Variants in SLMAP observed in about 807,000 individuals in gnomAD.
The protein encoded by SLMAP is sarcolemma associated protein.
A neutral mutation model predicts 128.8 loss-of-function variants in SLMAP; 44 were observed. The observed-to-expected ratio is 0.34, with a 90% CI of 0.27 to 0.44. The LOEUF (loss-of-function observed/expected upper bound fraction) is 0.44. Among genes scored for constraint, SLMAP ranks in the 20% least tolerant of loss-of-function variants. SLMAP has a pLI of 1.00. For synonymous variants in SLMAP, 327 were observed against 348.8 expected, an observed-to-expected ratio of 0.94 and a Z score of 0.70; for missense variants, 787 against 985.3, an observed-to-expected ratio of 0.80 and a Z score of 2.69.
Position 57,864,590 on chromosome 3 carries a change from G to C in SLMAP, c.1009G>C (p.Ala337Pro). 6.3e-7 allele frequency: 1 copy of C among 1,589,046 alleles called. No homozygotes were observed. The highest frequency in any genetic ancestry group is 2.2e-5 in the East Asian group (1 of 44,574). ...AGAGGAAATCCAACAGAAGGGACAG[G>C]CTGAGAAAAAAGAATTACAACATAA... ...KQEEIQQKGQAEKKELQHKID... is the reference protein window; with the variant it reads ...KQEEIQQKGQPEKKELQHKID... The change falls in exon 11 of 25, where the codon GCT becomes CCT. Residue 337 changes from alanine to proline, a missense_variant. Transcript: ENST00000671191.
At chr3:57,861,122 T>A (rs533972319) in intron 9 of SLMAP, among the ~76,000 whole-genome samples, 1 of 149,328 alleles carries the variant, frequency 6.7e-6, no homozygotes, top group South Asian at 2.2e-4. Flanking sequence ...GACCATGATA[T>A]GTGCTGGGGA....
chr3:57,927,262 A>G lies in SLMAP; in HGVS notation c.*7-34A>G, dbSNP rs1437807921. The G allele has an allele frequency of 2.1e-6, 3 of 1,413,392 alleles. No homozygotes were observed. In the Admixed American group the frequency reaches 5.2e-5, roughly 24 times the overall value. The allele number at this position is 1,413,392 out of a possible 1,614,324, so 87.6% of individuals were successfully genotyped here. On this transcript the variant is annotated intron_variant, in intron 24 of 24. Transcript: ENST00000671191. ...AATAGGTATGAAAAGAGAGGGGAGAATGTGATATTGACTCTTGGTTTCTTT... is the reference window on the plus strand; with the variant it reads ...AATAGGTATGAAAAGAGAGGGGAGAGTGTGATATTGACTCTTGGTTTCTTT...
At chr3:57,891,807 C>T (rs1560440305) in intron 15 of SLMAP, among the ~76,000 whole-genome samples, 1 of 152,142 alleles carries the variant, frequency 6.6e-6, no homozygotes, top group Non-Finnish European at 1.5e-5. Context: ...AAACTCCTGA[C>T]CTCAGATGAT....
rs527630816 is a variant in SLMAP at position 57,807,890 on chromosome 3, C to T, written c.199-23493C>T. On this transcript the variant is annotated intron_variant, in intron 2 of 24. Coordinates refer to ENST00000671191, the MANE Select transcript of SLMAP (RefSeq NM_001377540.1). ...CTCTGGTAGAACTTGGCTGTGAATC[C>T]ATCTGGTCCTAGGCTTTTTTTGTTG... Among the ~76,000 whole-genome samples, 3 of 152,236 alleles carry T rather than the reference C, an allele frequency of 2.0e-5. No individual in the cohort carries two copies. In the East Asian group the frequency reaches 5.8e-4, roughly 29 times the overall value.
chr3:57,819,362 A>G (rs2092281584), intron 2 of SLMAP, among the ~76,000 whole-genome samples: 1 of 152,216 alleles, frequency 6.6e-6, no homozygotes, highest in South Asian at 2.1e-4. Context: ...ATTACCTCAT[A>G]AATTTAAAGC....
intron 2 of SLMAP, among the ~76,000 whole-genome samples, chr3:57,813,164 C>T (rs537466731): frequency 1.0e-4 from 14 of 138,258 alleles, no homozygotes; most frequent in African/African-American, 2.5e-4. Flanking sequence ...GGTGTGATTT[C>T]GTCTCACTGT....
At position 57,929,142 on chromosome 3, in the gene SLMAP, T is replaced by A. The variant is rs990052375; in HGVS notation, c.*1853T>A. ...GCACTAACACACGTGACGTGCATGA[T>A]TTAATAAAATAACTTTACTCTCCCT... On this transcript the variant is annotated 3_prime_UTR_variant, in exon 25 of 25. Coordinates refer to ENST00000671191, the MANE Select transcript of SLMAP (RefSeq NM_001377540.1). The A allele has an allele frequency of 2.6e-5, 4 of 152,646 alleles. No individual in the cohort carries two copies. The highest frequency in any genetic ancestry group is 5.9e-5 in the Non-Finnish European group (4 of 68,022). 9.5% of individuals were successfully genotyped at this position (152,646 alleles called of 1,614,324 possible).
At chr3:57,791,393 T>C (rs138848956) in intron 2 of SLMAP, among the ~76,000 whole-genome samples, 206 of 152,106 alleles carry the variant, frequency 1.4e-3, no homozygotes, top group African/African-American at 4.3e-3. Flanking sequence ...ATTTAGTATA[T>C]GTAGTAGCTC....
chr3:57,881,567 C>G (rs2095745311), intron 14 of SLMAP, among the ~76,000 whole-genome samples: 1 of 152,146 alleles, frequency 6.6e-6, no homozygotes, highest in African/African-American at 2.4e-5. Context: ...AAGCGATTCT[C>G]CTGCCTCAGC....
intron 23 of SLMAP, 141 bp downstream of exon 23, chr3:57,923,164 A>T (rs1160560442): frequency 1.2e-6 from 1 of 827,564 alleles, no homozygotes; most frequent in Non-Finnish European, 1.9e-6. Context: ...TCCATGATAG[A>T]ATCATTGTGC....
intron 2 of SLMAP, among the ~76,000 whole-genome samples, chr3:57,809,445 T>C (rs985754462): frequency 3.9e-5 from 6 of 152,194 alleles, no homozygotes; most frequent in South Asian, 2.1e-4. Context: ...CTCTGGACTT[T>C]GGGTGCTGAC....
chr3:57,906,766 GTTA>G (rs756197390), intron 17 of SLMAP, among the ~76,000 whole-genome samples: 1 of 150,040 alleles, frequency 6.7e-6, no homozygotes, highest in African/African-American at 2.4e-5. Flanking sequence ...ATGAATTGAA[GTTA>G]TTATGCTGAG....
chr3:57,840,419 A>G, intron 3 of SLMAP, among the ~76,000 whole-genome samples: 1 of 152,234 alleles, frequency 6.6e-6, no homozygotes, highest in East Asian at 1.9e-4. Context: ...TTAGTTTTTA[A>G]TCAGAGCTTA....
chr3:57,853,955 TTATATATATATATATATATATA>T lies in SLMAP; in HGVS notation c.520-3754_520-3733del, dbSNP rs1157170350. Among the ~76,000 whole-genome samples the T allele has an allele frequency of 1.6e-3, 51 of 31,940 alleles. 2 individuals are homozygous for T. Among genetic ancestry groups the T allele is most frequent in the African/African-American group, 4.6e-3 (33 of 7,194 alleles). The allele number at this position is 31,940 out of a possible 152,430, so 21.0% of individuals were successfully genotyped here. ...AAATTCTGTCTCAAAAAAAAAAAAA[TTATATATATATATATATATATA>T]TATATATATATATATATATATATTT... On this transcript the variant is annotated intron_variant, in intron 6 of 24. Transcript: ENST00000671191.
chr3:57,892,808 A>G (rs2096120625), intron 15 of SLMAP, among the ~76,000 whole-genome samples: 1 of 146,274 alleles, frequency 6.8e-6, no homozygotes, highest in Non-Finnish European at 1.5e-5. Flanking sequence ...ACACACACAC[A>G]CATACACACA....
chr3:57,919,451 G>A lies in SLMAP; in HGVS notation c.2310+2374G>A, dbSNP rs564253603. Among the ~76,000 whole-genome samples the A allele has an allele frequency of 2.6e-5, 4 of 151,402 alleles. No homozygotes were observed. In the South Asian group the frequency reaches 6.3e-4, roughly 24 times the overall value. ...ATAATGATATATCATCTTTATATTT[G>A]ACTTTAGAAAGCATCACTATATTTT... On this transcript the variant is annotated intron_variant, in intron 22 of 24. Transcript: ENST00000671191.
intron 21 of SLMAP, among the ~76,000 whole-genome samples, chr3:57,916,057 A>G (rs1309834383): frequency 2.6e-5 from 4 of 151,976 alleles, no homozygotes; most frequent in Non-Finnish European, 2.9e-5. Context: ...TCAGAAGGCT[A>G]AGGCAGGAGA....
At chr3:57,839,373 A>G (rs1209783610) in intron 3 of SLMAP, among the ~76,000 whole-genome samples, 1 of 151,502 alleles carries the variant, frequency 6.6e-6, no homozygotes, top group Admixed American at 6.6e-5. Flanking sequence ...CTTCATGTTT[A>G]TAATATCATC....
intron 4 of SLMAP, 93 bp downstream of exon 4, chr3:57,841,464 C>A (rs1246396063): frequency 8.0e-6 from 5 of 622,562 alleles, no homozygotes; most frequent in Non-Finnish European, 1.4e-5. Context: ...ACTGCTAATA[C>A]CTGCTTCAGG....
Sources: allele counts gnomAD v4.1 joint callset (sites outside exome capture counted in the v4.1 genomes callset), GRCh38; gene constraint gnomAD v4.1.1; transcripts MANE v1.5; gene names NCBI Gene and HGNC (gene_info 2026-07-23, HGNC 2026-07-21).